LRP1B: variants seen among roughly 807,000 people sequenced by gnomAD.
LRP1B encodes LDL receptor related protein 1B.
In LRP1B, 217 loss-of-function variants were observed where a neutral mutation model predicts 556.6. That is an observed-to-expected ratio of 0.39 (90% confidence interval 0.35 to 0.44). The LOEUF (loss-of-function observed/expected upper bound fraction) is 0.44, where lower values mean the gene tolerates loss of function less well. Ranked by LOEUF, LRP1B falls within the 20% of genes least tolerant of loss-of-function variation. The pLI, the probability that LRP1B is intolerant of heterozygous loss-of-function variation, is 1.00. For missense variants in LRP1B, 5,053 were observed against 5,620.8 expected (o/e 0.90, Z 3.23); for synonymous variants, 2,047 against 1,865.8 (o/e 1.10, Z -2.50).
rs570847789 is a variant in LRP1B, at chr2:140,957,044, G to A, written c.2888-5104C>T. Among the ~76,000 whole-genome samples, 7 of 151,648 alleles carry A rather than the reference G, an allele frequency of 4.6e-5. No homozygotes were observed. In the South Asian group the frequency reaches 1.5e-3, roughly 31 times the overall value. On this transcript the variant is annotated intron_variant, in intron 18 of 90. Transcript: ENST00000389484. Reference sequence around the variant, plus strand: ...CAATATTGAGTATTCTCATTTTTCAGAGTGCTTACAATCTACTAGGGAAGA... The same window carrying A: ...CAATATTGAGTATTCTCATTTTTCAAAGTGCTTACAATCTACTAGGGAAGA...
intron 24 of LRP1B, among the ~76,000 whole-genome samples, 199 bp from the exon 25 acceptor site, chr2:140,884,220 T>C (rs1342190699): frequency 1.3e-5 from 2 of 152,174 alleles, no homozygotes; most frequent in Admixed American, 1.3e-4. Context: ...TTGCCAGAAA[T>C]CTTTAATCTA....
intron 68 of LRP1B, among the ~76,000 whole-genome samples, chr2:140,376,125 C>T (rs1683219226): frequency 6.6e-6 from 1 of 151,870 alleles, no homozygotes; most frequent in Admixed American, 6.6e-5. Flanking sequence ...AGAAAAATGA[C>T]TTTACTACAA....
intron 21 of LRP1B, among the ~76,000 whole-genome samples, chr2:140,910,055 A>C (rs183794625): frequency 6.7e-6 from 1 of 150,308 alleles, no homozygotes; most frequent in South Asian, 2.1e-4. Flanking sequence ...AGCTTATTTT[A>C]AGTTAAAAAA....
At chr2:140,857,516 A>T (rs1692655442) in intron 27 of LRP1B, among the ~76,000 whole-genome samples, 1 of 152,282 alleles carries the variant, frequency 6.6e-6, no homozygotes, top group Admixed American at 6.5e-5. Context: ...TTCACATTGA[A>T]GAACTTGAGT....
intron 3 of LRP1B, among the ~76,000 whole-genome samples, chr2:141,313,225 C>T (rs1239861084): frequency 6.6e-6 from 1 of 152,032 alleles, no homozygotes; most frequent in Non-Finnish European, 1.5e-5. Context: ...AGCAGTAATA[C>T]TAGATGAATC....
At chr2:140,359,848 G>A (rs780396082) in intron 72 of LRP1B, among the ~76,000 whole-genome samples, 34 of 151,482 alleles carry the variant, frequency 2.2e-4, no homozygotes, top group African/African-American at 6.8e-4. Context: ...TCTCAAACAC[G>A]TTTTATTTCC....
intron 66 of LRP1B, among the ~76,000 whole-genome samples, chr2:140,422,444 C>T (rs566478141): frequency 6.6e-6 from 1 of 152,214 alleles, no homozygotes; most frequent in South Asian, 2.1e-4. Flanking sequence ...ACTAAATATG[C>T]TGCATTATTT....
chr2:142,113,462 G>A (rs1351159856), intron 1 of LRP1B, among the ~76,000 whole-genome samples: 1 of 145,698 alleles, frequency 6.9e-6, no homozygotes, highest in Non-Finnish European at 1.5e-5. Context: ...AGAGAATGAG[G>A]TTAGGAGTAA....
intron 66 of LRP1B, among the ~76,000 whole-genome samples, chr2:140,398,940 A>C (rs1469319299): frequency 1.3e-5 from 2 of 152,164 alleles, no homozygotes; most frequent in Admixed American, 1.3e-4. Context: ...TTTTTTAAAA[A>C]TATGTTTTTC....
chr2:141,324,462 CCTTT>C (rs1216846992), intron 3 of LRP1B, among the ~76,000 whole-genome samples: 2 of 152,184 alleles, frequency 1.3e-5, no homozygotes, highest in Middle Eastern at 3.4e-3. Context: ...CCGTTTGTCT[CCTTT>C]CTATCTTTCC....
chr2:141,913,541 G>A (rs1047980799), intron 1 of LRP1B, among the ~76,000 whole-genome samples: 2 of 152,090 alleles, frequency 1.3e-5, no homozygotes, highest in African/African-American at 4.8e-5. Context: ...AGTTGGTTTT[G>A]AAACTGGTCC....
chr2:141,403,377 T>C (rs954916559), intron 3 of LRP1B, among the ~76,000 whole-genome samples: 1 of 152,122 alleles, frequency 6.6e-6, no homozygotes, highest in East Asian at 1.9e-4. Context: ...CTCTATTTAA[T>C]TCAACCCTTT....
intron 3 of LRP1B, among the ~76,000 whole-genome samples, chr2:141,359,774 C>G (rs7609421): frequency 4.1e-5 from 6 of 146,870 alleles, no homozygotes; most frequent in Admixed American, 2.1e-4. Context: ...CGCCCCGCCC[C>G]GCCCCGCCCC....
chr2:141,304,099 T>C (rs563001234), intron 3 of LRP1B, among the ~76,000 whole-genome samples: 1 of 152,284 alleles, frequency 6.6e-6, no homozygotes, highest in Admixed American at 6.5e-5. Context: ...TTACCTACTT[T>C]TTAATGGGAT....
At chr2:140,894,778 G>A (rs529530180) in intron 23 of LRP1B, among the ~76,000 whole-genome samples, 38 of 151,950 alleles carry the variant, frequency 2.5e-4, no homozygotes, top group African/African-American at 8.7e-4. Context: ...GTGAAACCCC[G>A]TCTCTACAAA....
intron 1 of LRP1B, among the ~76,000 whole-genome samples, chr2:141,823,738 T>A (rs191150589): frequency 6.6e-6 from 1 of 152,334 alleles, no homozygotes; most frequent in African/African-American, 2.4e-5. Context: ...GGCAAGATCA[T>A]AGTTCACTGC....
At chr2:140,827,154 C>A (rs914709576) in intron 31 of LRP1B, among the ~76,000 whole-genome samples, 1 of 151,952 alleles carries the variant, frequency 6.6e-6, no homozygotes, top group Non-Finnish European at 1.5e-5. Context: ...GCAAACATAC[C>A]CTAGAAAACC....
intron 2 of LRP1B, among the ~76,000 whole-genome samples, chr2:141,644,729 TCACACACACACA>T (rs3039268): frequency 2.1e-5 from 3 of 141,614 alleles, no homozygotes; most frequent in African/African-American, 5.3e-5. Context: ...CAGTCATTGA[TCACACACACACA>T]CACACACACA....
intron 1 of LRP1B, among the ~76,000 whole-genome samples, chr2:141,898,329 T>C (rs548331064): frequency 2.6e-5 from 4 of 152,126 alleles, no homozygotes; most frequent in Non-Finnish European, 5.9e-5. Flanking sequence ...AGGGCTCCCA[T>C]GTGTGGTTAA....
Sources: allele counts gnomAD v4.1 joint callset (sites outside exome capture counted in the v4.1 genomes callset), GRCh38; gene constraint gnomAD v4.1.1; transcripts MANE v1.5; gene names NCBI Gene and HGNC (gene_info 2026-07-23, HGNC 2026-07-21).